The following SCML4 variants were observed in gnomAD, a reference collection of about 807,000 sequenced individuals.
SCML4 encodes the protein Scm polycomb group protein like 4.
Under a neutral mutation model 41.1 loss-of-function variants are expected in SCML4, and 34 were observed. That is an observed-to-expected ratio of 0.83 (90% CI 0.63 to 1.10). The LOEUF (loss-of-function observed/expected upper bound fraction) is 1.10, where lower values mean the gene tolerates loss of function less well. Among genes scored for constraint, SCML4 ranks in the 50% least tolerant of loss-of-function variants. SCML4 has a pLI of 0.00. For missense variants in SCML4, 522 were observed against 534.1 expected (o/e 0.98, Z 0.22); for synonymous variants, 214 against 220.9 (o/e 0.97, Z 0.28).
At chr6:107,832,245 TA>T in the SCML4 span, among the ~76,000 whole-genome samples, 11,085 of 151,818 alleles carry the variant, frequency 0.073, 928 homozygotes, top group African/African-American at 0.19. Context: ...TCTCAAACAA[TA>T]AAAATAAAAA....
intron 1 of SCML4, among the ~76,000 whole-genome samples, chr6:107,782,824 G>A (rs1781622249): frequency 7.4e-6 from 1 of 135,244 alleles, no homozygotes; most frequent in Non-Finnish European, 1.6e-5. Context: ...GTCTGAGTTT[G>A]CCTGATGGCA....
At chr6:107,716,670 A>G (rs1774836388) in intron 6 of SCML4, among the ~76,000 whole-genome samples, 1 of 152,104 alleles carries the variant, frequency 6.6e-6, no homozygotes, top group African/African-American at 2.4e-5. Flanking sequence ...AAAAGGAGGG[A>G]GTGAGCATTT....
the SCML4 span, among the ~76,000 whole-genome samples, chr6:107,836,276 C>A: frequency 2.6e-5 from 4 of 152,134 alleles, no homozygotes; most frequent in African/African-American, 7.2e-5. Flanking sequence ...ATAGGGGAAG[C>A]ACTCCGAAGA....
At chr6:107,774,038 A>G (rs1780726516) in intron 1 of SCML4, among the ~76,000 whole-genome samples, 1 of 152,240 alleles carries the variant, frequency 6.6e-6, no homozygotes, top group Non-Finnish European at 1.5e-5. Flanking sequence ...GCAGTATTCT[A>G]TCAATAATCT....
chr6:107,827,870 C>T (rs576883748), upstream of SCML4, among the ~76,000 whole-genome samples: 1 of 152,200 alleles, frequency 6.6e-6, no homozygotes, highest in Non-Finnish European at 1.5e-5. Context: ...CTGGTAAAGA[C>T]ACCGTTCACA....
At chr6:107,707,527 G>A (rs1773774509) in intron 7 of SCML4, among the ~76,000 whole-genome samples, 1 of 152,154 alleles carries the variant, frequency 6.6e-6, no homozygotes, top group Non-Finnish European at 1.5e-5. Context: ...AGGTGCTACT[G>A]CGGTTTGCCT....
intron 1 of SCML4, among the ~76,000 whole-genome samples, chr6:107,819,795 A>G (rs949091133): frequency 1.3e-4 from 20 of 152,222 alleles, no homozygotes; most frequent in African/African-American, 4.6e-4. Context: ...CACAACTAGT[A>G]AAACTGGTAT....
chr6:107,793,117 A>G (rs1782460962), intron 1 of SCML4, among the ~76,000 whole-genome samples: 1 of 152,168 alleles, frequency 6.6e-6, no homozygotes, highest in South Asian at 2.1e-4. Flanking sequence ...GTGGAGGCAC[A>G]ATGTGGTCGG....
chr6:107,747,237 ACTT>A (rs954514935), intron 3 of SCML4, among the ~76,000 whole-genome samples: 2 of 151,948 alleles, frequency 1.3e-5, no homozygotes, highest in Non-Finnish European at 2.9e-5. Flanking sequence ...TACATACAAA[ACTT>A]CTTCTCCCTC....
At chr6:107,817,968 T>C (rs1784675060) in intron 1 of SCML4, among the ~76,000 whole-genome samples, 1 of 152,222 alleles carries the variant, frequency 6.6e-6, no homozygotes, top group African/African-American at 2.4e-5. Flanking sequence ...ACCATGCTGT[T>C]TGCCCTCTTT....
At chr6:107,795,759 C>A (rs541631339) in intron 1 of SCML4, among the ~76,000 whole-genome samples, 2 of 152,284 alleles carry the variant, frequency 1.3e-5, no homozygotes, top group Admixed American at 1.3e-4. Flanking sequence ...AAACTGCTCA[C>A]CTCATGATCC....
intron 1 of SCML4, among the ~76,000 whole-genome samples, chr6:107,823,645 C>T (rs757385544): frequency 2.6e-5 from 4 of 151,996 alleles, no homozygotes; most frequent in Non-Finnish European, 4.4e-5. Flanking sequence ...AAAAAAAACA[C>T]TTTTACATGT....
chr6:107,797,892 C>A (rs1397322108), intron 1 of SCML4, among the ~76,000 whole-genome samples: 1 of 151,902 alleles, frequency 6.6e-6, no homozygotes, highest in Non-Finnish European at 1.5e-5. Context: ...CATATAATTT[C>A]TATCATTTAT....
At chr6:107,831,820 G>A in the SCML4 span, among the ~76,000 whole-genome samples, 8,440 of 152,172 alleles carry the variant, frequency 0.055, 511 homozygotes, top group East Asian at 0.17. Flanking sequence ...TTGGGAGGCC[G>A]AAGTGGGAGG....
chr6:107,834,064 G>A, the SCML4 span, among the ~76,000 whole-genome samples: 1 of 152,196 alleles, frequency 6.6e-6, no homozygotes, highest in Non-Finnish European at 1.5e-5. Context: ...CAAAATTGTA[G>A]AAGCTGCAAA....
chr6:107,758,804 T>A (rs926838056), intron 2 of SCML4, among the ~76,000 whole-genome samples: 5 of 152,100 alleles, frequency 3.3e-5, no homozygotes, highest in African/African-American at 1.2e-4. Flanking sequence ...CTGATTTCAG[T>A]CTTCTAGCCT....
intron 5 of SCML4, 125 bp downstream of exon 5, chr6:107,744,824 G>T: frequency 1.3e-6 from 1 of 770,124 alleles, no homozygotes; most frequent in Non-Finnish European, 2.1e-6. Context: ...ACCCAGACAG[G>T]CAGCCCATGG....
At chr6:107,797,673 A>G (rs577415699) in intron 1 of SCML4, among the ~76,000 whole-genome samples, 1 of 152,112 alleles carries the variant, frequency 6.6e-6, no homozygotes, top group South Asian at 2.1e-4. Flanking sequence ...AATGCTGCAT[A>G]TAAGTGGTGA....
At chr6:107,843,911 C>T in the SCML4 span, among the ~76,000 whole-genome samples, 1 of 146,470 alleles carries the variant, frequency 6.8e-6, no homozygotes, top group African/African-American at 2.5e-5. Context: ...ATGCACTGTG[C>T]TTTCTCCACC....
Sources: allele counts gnomAD v4.1 joint callset (sites outside exome capture counted in the v4.1 genomes callset), GRCh38; gene constraint gnomAD v4.1.1; transcripts MANE v1.5; gene names NCBI Gene and HGNC (gene_info 2026-07-23, HGNC 2026-07-21).